The following KSR2 variants were observed in gnomAD, a reference collection of about 807,000 sequenced individuals.
The protein encoded by KSR2 is kinase suppressor of ras 2.
In KSR2, 25 loss-of-function variants were observed where a neutral mutation model predicts 107.8. The ratio of observed to expected loss-of-function variants is 0.23; its 90% CI spans 0.17 to 0.32. KSR2 has a LOEUF of 0.32. KSR2 is among the 10% of genes least tolerant of loss of function. The probability of loss-of-function intolerance (pLI) is 1.00; values close to 1 mark genes in which losing one functional copy is unlikely to be tolerated. For missense variants in KSR2, 887 were observed against 1,268.9 expected (o/e 0.70, Z 4.57); for synonymous variants, 480 against 507.0 (o/e 0.95, Z 0.71).
chr12:117,920,708 CT>C (rs1263352173), intron 1 of KSR2, among the ~76,000 whole-genome samples: 1 of 152,090 alleles, frequency 6.6e-6, no homozygotes, highest in Admixed American at 6.5e-5. Flanking sequence ...ATAACCCAGT[CT>C]CTTAACTTCT....
chr12:117,485,523 GGT>G (rs1872412444), intron 15 of KSR2, 70 bp downstream of exon 15: 1 of 1,143,020 alleles, frequency 8.7e-7, no homozygotes, highest in Non-Finnish European at 1.3e-6. Context: ...GGAGCCCTGG[GGT>G]AGGGGGGCTT....
chr12:117,712,871 G>A (rs1886838949), intron 4 of KSR2, among the ~76,000 whole-genome samples: 1 of 151,988 alleles, frequency 6.6e-6, no homozygotes, highest in Non-Finnish European at 1.5e-5. Flanking sequence ...ATAGACAGAT[G>A]ATAGATCGCT....
At position 117,856,261 on chromosome 12, in the gene KSR2, C is replaced by T. The variant is rs551735935; in HGVS notation, c.322-683G>A. ...AGAAAAGGTAGGATTCCCAACTTAA[C>T]GTGTTGGGCAGGTGAACTTTCACCG... On this transcript the variant is annotated intron_variant, in intron 2 of 19. Coordinates refer to ENST00000339824, the MANE Select transcript of KSR2 (RefSeq NM_173598.6). 9.3e-4 allele frequency among the ~76,000 whole-genome samples: 142 copies of T among 152,296 alleles called. 1 individual carries two copies. The highest frequency in any genetic ancestry group is 3.1e-3 in the African/African-American group (130 of 41,564).
intron 14 of KSR2, among the ~76,000 whole-genome samples, chr12:117,507,585 G>A (rs530372359): frequency 1.3e-5 from 2 of 152,192 alleles, no homozygotes; most frequent in East Asian, 1.9e-4. Context: ...AGCAAGGGCC[G>A]TGAAGGCTGG....
intron 3 of KSR2, among the ~76,000 whole-genome samples, chr12:117,767,707 C>T (rs1259059490): frequency 6.7e-6 from 1 of 149,284 alleles, no homozygotes; most frequent in Non-Finnish European, 1.5e-5. Context: ...ACGGCGTGAA[C>T]CCGGGAGGCG....
chr12:117,581,713 C>G (rs1370504440), intron 6 of KSR2, among the ~76,000 whole-genome samples: 1 of 152,160 alleles, frequency 6.6e-6, no homozygotes, highest in Admixed American at 6.5e-5. Context: ...CCTAAAAGGG[C>G]AGGTATAGCC....
chr12:117,464,155 T>C lies in KSR2; in HGVS notation c.*3044A>G, dbSNP rs905839927. On this transcript the variant is annotated 3_prime_UTR_variant, in exon 20 of 20. Coordinates refer to ENST00000339824, the MANE Select transcript of KSR2 (RefSeq NM_173598.6). Reference sequence around the variant, plus strand: ...GCTCCTTGGTTTTATGAATAATCTGTATCCTGGAAGAGTTGGGTGAAATTT... The same window carrying C: ...GCTCCTTGGTTTTATGAATAATCTGCATCCTGGAAGAGTTGGGTGAAATTT... 1.1e-4 allele frequency: 16 copies of C among 152,182 alleles called. No individual in the cohort carries two copies. Among genetic ancestry groups the C allele is most frequent in the African/African-American group, 3.6e-4 (15 of 41,424 alleles). 9.4% of individuals were successfully genotyped at this position (152,182 alleles called of 1,614,324 possible).
chr12:117,468,859 G>A (rs1871282156), intron 19 of KSR2, among the ~76,000 whole-genome samples: 1 of 152,174 alleles, frequency 6.6e-6, no homozygotes, highest in South Asian at 2.1e-4. Flanking sequence ...GTGCAGCTGT[G>A]TGTGAATGAA....
chr12:117,676,988 GAC>G (rs932933440), intron 4 of KSR2, among the ~76,000 whole-genome samples: 11 of 152,216 alleles, frequency 7.2e-5, no homozygotes, highest in African/African-American at 2.7e-4. Context: ...GTCTGAGAAT[GAC>G]ACTGACAAGT....
chr12:117,607,288 T>G (rs1445860854), intron 5 of KSR2, among the ~76,000 whole-genome samples: 1 of 152,184 alleles, frequency 6.6e-6, no homozygotes, highest in African/African-American at 2.4e-5. Context: ...GATAAGAACT[T>G]AGATGCATTC....
intron 3 of KSR2, among the ~76,000 whole-genome samples, chr12:117,769,909 C>T (rs1889375051): frequency 6.6e-6 from 1 of 152,068 alleles, no homozygotes; most frequent in Non-Finnish European, 1.5e-5. Context: ...CAAAAATTAG[C>T]CAGGTATGGT....
chr12:117,544,786 A>T (rs1260682084), intron 9 of KSR2, among the ~76,000 whole-genome samples: 1 of 152,132 alleles, frequency 6.6e-6, no homozygotes, highest in Non-Finnish European at 1.5e-5. Context: ...AAATAAGGAC[A>T]TTTTTATTTC....
At chr12:117,494,759 G>C (rs60456228) in intron 14 of KSR2, among the ~76,000 whole-genome samples, 1 of 152,094 alleles carries the variant, frequency 6.6e-6, no homozygotes, top group South Asian at 2.1e-4. Flanking sequence ...ATTGGATAGA[G>C]AGTAGATGGA....
At chr12:117,599,105 G>A (rs1459444282) in intron 5 of KSR2, among the ~76,000 whole-genome samples, 2 of 152,146 alleles carry the variant, frequency 1.3e-5, no homozygotes, top group Non-Finnish European at 2.9e-5. Flanking sequence ...CTGATAAGAG[G>A]CACTGATGTT....
intron 6 of KSR2, among the ~76,000 whole-genome samples, chr12:117,579,403 G>C (rs1565910035): frequency 6.6e-6 from 1 of 152,144 alleles, no homozygotes; most frequent in African/African-American, 2.4e-5. Flanking sequence ...TAACAGTATT[G>C]ACCTCATAGG....
chr12:117,860,806 C>T (rs1027015928), intron 1 of KSR2, among the ~76,000 whole-genome samples: 1 of 152,164 alleles, frequency 6.6e-6, no homozygotes, highest in Non-Finnish European at 1.5e-5. Flanking sequence ...GCAACCTCCA[C>T]CTCCCAAGTT....
In KSR2 at chr12:117,753,997, TG is replaced by T. The variant is rs1290826534; in HGVS notation, c.986+7013del. 2.0e-3 allele frequency among the ~76,000 whole-genome samples: 274 copies of T among 134,628 alleles called. 4 individuals carry two copies. Among genetic ancestry groups the T allele is most frequent in the Middle Eastern group, 0.02 (5 of 256 alleles). The allele number at this position is 134,628 out of a possible 152,430, so 88.3% of individuals were successfully genotyped here. A position where few individuals can be genotyped will look rare whatever the true frequency, so the allele number is the denominator to read the frequency against. ...GTGTGTGTGTGTGTGTGTGTGTGTG[TG>T]TGTTTTAGGAATGCCAGAGGAATAA... On this transcript the variant is annotated intron_variant, in intron 4 of 19. Coordinates refer to ENST00000339824, the MANE Select transcript of KSR2 (RefSeq NM_173598.6).
intron 4 of KSR2, among the ~76,000 whole-genome samples, chr12:117,685,391 G>C (rs1049199180): frequency 6.6e-6 from 1 of 152,208 alleles, no homozygotes; most frequent in Non-Finnish European, 1.5e-5. Flanking sequence ...AGATTTCACG[G>C]CCATGTGGCT....
At chr12:117,935,512 C>T (rs1180751001) in intron 1 of KSR2, among the ~76,000 whole-genome samples, 2 of 152,184 alleles carry the variant, frequency 1.3e-5, no homozygotes, top group African/African-American at 4.8e-5. Flanking sequence ...GTAATCCCAG[C>T]ACTTTTGGGA....
Sources: allele counts gnomAD v4.1 joint callset (sites outside exome capture counted in the v4.1 genomes callset), GRCh38; gene constraint gnomAD v4.1.1; transcripts MANE v1.5; gene names NCBI Gene and HGNC (gene_info 2026-07-23, HGNC 2026-07-21).